The following EPHB1 variants were observed in gnomAD, a reference collection of about 807,000 sequenced individuals.
EPHB1 encodes the protein ephrin type-B receptor 1.
EPHB1 carries 30 observed loss-of-function variants against 94.4 expected under a neutral mutation model. The ratio of observed to expected loss-of-function variants is 0.32; its 90% CI spans 0.24 to 0.43. The LOEUF (loss-of-function observed/expected upper bound fraction) is 0.43, where lower values mean the gene tolerates loss of function less well. Ranked by LOEUF, EPHB1 falls within the 20% of genes least tolerant of loss-of-function variation. The pLI is 1.00. For missense variants in EPHB1, 1,055 were observed against 1,308.3 expected (o/e 0.81, Z 2.99); for synonymous variants, 522 against 489.1 (o/e 1.07, Z -0.89).
At chr3:134,934,612 A>G (rs981870084) in intron 2 of EPHB1, among the ~76,000 whole-genome samples, 4 of 151,542 alleles carry the variant, frequency 2.6e-5, no homozygotes, top group African/African-American at 9.7e-5. Flanking sequence ...GCCACAGATG[A>G]CCCGTGTTGT....
chr3:134,925,694 C>T, intron 1 of EPHB1, 122 bp from the exon 2 acceptor site: 1 of 777,752 alleles, frequency 1.3e-6, no homozygotes, highest in South Asian at 2.1e-5. Flanking sequence ...TGAAGATGCA[C>T]AAACCTCCTT....
intron 15 of EPHB1, among the ~76,000 whole-genome samples, chr3:135,258,376 A>C (rs1406700905): frequency 6.6e-6 from 1 of 152,204 alleles, no homozygotes; most frequent in Non-Finnish European, 1.5e-5. Flanking sequence ...TTAACCTAGG[A>C]AGAATGCATG....
At chr3:135,057,597 G>A (rs1448740866) in intron 3 of EPHB1, among the ~76,000 whole-genome samples, 1 of 152,132 alleles carries the variant, frequency 6.6e-6, no homozygotes, top group East Asian at 1.9e-4. Flanking sequence ...GAGGGGTCCT[G>A]TCCCTTTTAT....
At chr3:135,186,981 T>G (rs948275982) in intron 10 of EPHB1, among the ~76,000 whole-genome samples, 10 of 152,152 alleles carry the variant, frequency 6.6e-5, no homozygotes, top group African/African-American at 2.2e-4. Flanking sequence ...CTACTGAGCT[T>G]CTGATGCTGT....
intron 4 of EPHB1, among the ~76,000 whole-genome samples, chr3:135,108,342 C>T (rs1271559653): frequency 6.6e-6 from 1 of 152,214 alleles, no homozygotes; most frequent in Admixed American, 6.5e-5. Flanking sequence ...CTGTTAATCT[C>T]TTGGGGCTGG....
chr3:134,815,399 T>C (rs957960089), intron 1 of EPHB1, among the ~76,000 whole-genome samples: 2 of 151,738 alleles, frequency 1.3e-5, no homozygotes, highest in African/African-American at 4.8e-5. Flanking sequence ...TAAATGTGTA[T>C]ATAATAAAAT....
intron 3 of EPHB1, among the ~76,000 whole-genome samples, chr3:135,002,185 C>A (rs1935209034): frequency 6.6e-6 from 1 of 152,168 alleles, no homozygotes; most frequent in South Asian, 2.1e-4. Context: ...TGTCCCCACC[C>A]AAATCTCCTC....
intron 2 of EPHB1, among the ~76,000 whole-genome samples, chr3:134,943,296 G>A (rs1365429357): frequency 6.6e-6 from 1 of 152,184 alleles, no homozygotes; most frequent in Non-Finnish European, 1.5e-5. Flanking sequence ...CAACAACATC[G>A]AGGGGCAGAA....
At chr3:134,859,072 AG>A (rs1280311972) in intron 1 of EPHB1, among the ~76,000 whole-genome samples, 2 of 152,234 alleles carry the variant, frequency 1.3e-5, no homozygotes, top group African/African-American at 4.8e-5. Flanking sequence ...TCCAGTTTAT[AG>A]GGCTTTTTCT....
At chr3:134,821,855 T>C (rs529014998) in intron 1 of EPHB1, among the ~76,000 whole-genome samples, 3 of 152,326 alleles carry the variant, frequency 2.0e-5, no homozygotes, top group African/African-American at 7.2e-5. Flanking sequence ...ATCTCCCTTT[T>C]TTCCAACCTG....
chr3:135,221,262 G>A (rs2107720231), intron 12 of EPHB1, among the ~76,000 whole-genome samples: 1 of 152,208 alleles, frequency 6.6e-6, no homozygotes, highest in South Asian at 2.1e-4. Flanking sequence ...CCATTGCATA[G>A]GCTATGGTTC....
Position 134,871,709 on chromosome 3 carries a change from C to T in EPHB1, c.59-54107C>T, listed in dbSNP as rs115244225. Among the ~76,000 whole-genome samples, 904 of 152,272 alleles carry T rather than the reference C, an allele frequency of 5.9e-3. 1 individual carries two copies. Among genetic ancestry groups the T allele is most frequent in the Non-Finnish European group, 0.01 (704 of 68,022 alleles). ...ACCAAACTTACTTCCAGCCTAGTCT[C>T]TTCACTCACTGCAAACACGTAGCAC... is the stretch of plus-strand genomic sequence containing the variant. On this transcript the variant is annotated intron_variant, in intron 1 of 15. Coordinates refer to ENST00000398015, the MANE Select transcript of EPHB1 (RefSeq NM_004441.5).
intron 13 of EPHB1, among the ~76,000 whole-genome samples, chr3:135,243,074 C>CAAAAAAAAAAA (rs397933477): frequency 1.4e-4 from 14 of 98,276 alleles, no homozygotes; most frequent in East Asian, 3.1e-4. Flanking sequence ...GACCCTGTCT[C>CAAAAAAAAAAA]AAAAAAAAAA....
At chr3:134,983,757 C>T (rs1383285484) in intron 3 of EPHB1, among the ~76,000 whole-genome samples, 4 of 152,238 alleles carry the variant, frequency 2.6e-5, no homozygotes, top group Admixed American at 2.6e-4. Flanking sequence ...GAAGGATCTG[C>T]AGAAGGCATC....
At chr3:135,097,168 G>GTT (rs145129220) in intron 3 of EPHB1, among the ~76,000 whole-genome samples, 1,195 of 104,432 alleles carry the variant, frequency 0.011, 13 homozygotes, top group Middle Eastern at 0.016. Context: ...TTTTTTCTTT[G>GTT]TTTTTTTTTT....
intron 1 of EPHB1, among the ~76,000 whole-genome samples, chr3:134,907,866 A>G (rs1046555879): frequency 2.0e-5 from 3 of 152,142 alleles, no homozygotes; most frequent in Admixed American, 2.0e-4. Context: ...TTTGCCCCAC[A>G]TGTTCTCCCC....
intron 5 of EPHB1, among the ~76,000 whole-genome samples, chr3:135,151,706 A>G (rs1008453896): frequency 1.3e-5 from 2 of 152,226 alleles, no homozygotes; most frequent in Non-Finnish European, 2.9e-5. Context: ...AACCTGGGTT[A>G]TAGATACTAC....
At chr3:134,964,761 C>T (rs574373234) in intron 3 of EPHB1, among the ~76,000 whole-genome samples, 2 of 152,270 alleles carry the variant, frequency 1.3e-5, no homozygotes, top group East Asian at 1.9e-4. Flanking sequence ...ATTTTCTCTT[C>T]TTTTCCTCCA....
intron 3 of EPHB1, among the ~76,000 whole-genome samples, chr3:134,954,776 C>T (rs887324461): frequency 6.6e-6 from 1 of 152,184 alleles, no homozygotes; most frequent in African/African-American, 2.4e-5. Context: ...GGCCAGGGAA[C>T]TGTATTTTCT....
Sources: allele counts gnomAD v4.1 joint callset (sites outside exome capture counted in the v4.1 genomes callset), GRCh38; gene constraint gnomAD v4.1.1; transcripts MANE v1.5; gene names NCBI Gene and HGNC (gene_info 2026-07-23, HGNC 2026-07-21).